SLC25A28: variants seen among roughly 807,000 people sequenced by gnomAD.
SLC25A28 encodes mitoferrin-2.
SLC25A28 carries 10 observed loss-of-function variants against 31.9 expected under a neutral mutation model. The ratio of observed to expected loss-of-function variants is 0.31; its 90% CI spans 0.19 to 0.53. SLC25A28 has a LOEUF of 0.53. Ranked by LOEUF, SLC25A28 falls within the 20% of genes least tolerant of loss-of-function variation. The pLI, the probability that SLC25A28 is intolerant of heterozygous loss-of-function variation, is 0.95. For synonymous variants in SLC25A28, 208 were observed against 203.6 expected (o/e 1.02, Z -0.19); for missense variants, 256 against 490.3 (o/e 0.52, Z 4.51).
the SLC25A28 span, among the ~76,000 whole-genome samples, chr10:99,634,730 A>C: frequency 6.6e-6 from 1 of 152,236 alleles, no homozygotes; most frequent in Non-Finnish European, 1.5e-5. Context: ...TGGGGAAATG[A>C]TTGATGAAAA....
the SLC25A28 span, among the ~76,000 whole-genome samples, chr10:99,633,521 C>A: frequency 2.0e-4 from 30 of 152,152 alleles, 1 homozygote; most frequent in East Asian, 5.2e-3. Context: ...CATGGCAAAA[C>A]CCCATGTCTA....
the SLC25A28 span, among the ~76,000 whole-genome samples, chr10:99,639,914 C>T: frequency 1.3e-5 from 2 of 151,790 alleles, no homozygotes; most frequent in Admixed American, 1.3e-4. Context: ...ATGTGTGTAC[C>T]CAGCAGTATG....
the SLC25A28 span, among the ~76,000 whole-genome samples, chr10:99,644,507 C>G: frequency 4.7e-4 from 72 of 152,060 alleles, no homozygotes; most frequent in South Asian, 0.014. Context: ...ACTCCTTATG[C>G]AATTTGCCAG....
At chr10:99,652,380 A>G in the SLC25A28 span, among the ~76,000 whole-genome samples, 1 of 152,220 alleles carries the variant, frequency 6.6e-6, no homozygotes, top group African/African-American at 2.4e-5. Context: ...GAGAACACAG[A>G]GGAAAGTGGT....
At chr10:99,622,417 G>A (rs939253607), upstream of SLC25A28, among the ~76,000 whole-genome samples, 5 of 152,182 alleles carry the variant, frequency 3.3e-5, no homozygotes, top group East Asian at 9.7e-4. Context: ...AAATGAATAG[G>A]TCTCACAAAA....
At chr10:99,652,350 A>G in the SLC25A28 span, 1 of 152,532 alleles carries the variant, frequency 6.6e-6, no homozygotes, top group East Asian at 1.9e-4. Flanking sequence ...GGGTCCTGGT[A>G]AGAGAAAGCA....
At position 99,612,592 on chromosome 10, in the gene SLC25A28, G is replaced by T. The variant is rs751568989; in HGVS notation, c.528C>A (p.Ala176=). The T allele has an allele frequency of 6.2e-7, 1 of 1,613,966 alleles. No homozygotes were observed. The highest frequency in any genetic ancestry group is 1.3e-5 in the African/African-American group (1 of 74,866). The change falls in exon 3 of 4, where the codon GCC becomes GCA. Residue 176 remains alanine (A), a synonymous_variant. Transcript: ENST00000370495. ...GGNSHIANGA[A]GCVATLLHDA... ...CATGAAGTAATGTTGCCACACACCC[G>T]GCCGCACCTGCAAACAAGAAAACAA...
chr10:99,637,033 A>C, the SLC25A28 span, among the ~76,000 whole-genome samples: 1 of 152,248 alleles, frequency 6.6e-6, no homozygotes, highest in African/African-American at 2.4e-5. Flanking sequence ...TAGATGCTAA[A>C]ATCATTAACA....
chr10:99,644,936 T>C, the SLC25A28 span, among the ~76,000 whole-genome samples: 2 of 152,368 alleles, frequency 1.3e-5, no homozygotes, highest in African/African-American at 2.4e-5. Flanking sequence ...GTTAGTTTGA[T>C]GGGCTTGCCT....
rs1250682029 is a variant in SLC25A28 at position 99,613,157 on chromosome 10, C to T, written c.520+539G>A. On this transcript the variant is annotated intron_variant, in intron 2 of 3. Transcript: ENST00000370495. This position sits in a 1 kb window ranked among gnomAD's most constrained non-coding sequence, Gnocchi z 4.9. ...CCCTAGGCTGCTATCCTTTCTCTTA[C>T]TTCCACACAACCTTCTGGTTTCTTC... Among the ~76,000 whole-genome samples, 2 of 152,238 alleles carry T rather than the reference C, an allele frequency of 1.3e-5. No individual in the cohort carries two copies. The highest frequency in any genetic ancestry group is 2.9e-5 in the Non-Finnish European group (2 of 68,034).
chr10:99,640,944 T>C, the SLC25A28 span, among the ~76,000 whole-genome samples: 1 of 152,188 alleles, frequency 6.6e-6, no homozygotes, highest in Admixed American at 6.5e-5. Context: ...ATGAGCCACA[T>C]TTTCTTAATC....
chr10:99,620,910 C>T (rs140979381), upstream of SLC25A28: 6,558 of 985,314 alleles, frequency 6.7e-3, 31 homozygotes, highest in Non-Finnish European at 7.6e-3. Context: ...GGCGACAGGC[C>T]TTCAACGTCA....
the SLC25A28 span, among the ~76,000 whole-genome samples, chr10:99,634,863 A>G: frequency 1.3e-5 from 2 of 152,348 alleles, no homozygotes; most frequent in East Asian, 1.9e-4. Flanking sequence ...TAAAGTTAAG[A>G]TGAAGGAAAG....
At chr10:99,629,764 C>T in the SLC25A28 span, among the ~76,000 whole-genome samples, 1 of 152,272 alleles carries the variant, frequency 6.6e-6, no homozygotes, top group East Asian at 1.9e-4. Flanking sequence ...ATGAGAGTAA[C>T]TGCTTAATGG....
At chr10:99,617,432 A>T in intron 1 of SLC25A28, 1 of 985,438 alleles carries the variant, frequency 1.0e-6, no homozygotes, top group Non-Finnish European at 1.2e-6. Flanking sequence ...TCATTTGCAA[A>T]CATTGTGGTT....
chr10:99,615,318 T>C (rs997374229), intron 1 of SLC25A28: 1 of 823,626 alleles, frequency 1.2e-6, no homozygotes, highest in South Asian at 5.6e-5. Context: ...TTTGAGCCAC[T>C]GCACGGCAGC....
At chr10:99,632,437 G>A in the SLC25A28 span, among the ~76,000 whole-genome samples, 1 of 152,058 alleles carries the variant, frequency 6.6e-6, no homozygotes, top group Admixed American at 6.6e-5. Context: ...AGGGACAACT[G>A]TACTTCACTG....
chr10:99,610,734 A>C lies in SLC25A28; in HGVS notation c.*115T>G. ...AGTCAAAACACCAAAATCCTGGGGG[A>C]GAGCCCCTCTACCTTCCTTCTAACT... On this transcript the variant is annotated 3_prime_UTR_variant, in exon 4 of 4. Coordinates refer to ENST00000370495, the MANE Select transcript of SLC25A28 (RefSeq NM_031212.4). 2 of 1,329,932 alleles carry C rather than the reference A, an allele frequency of 1.5e-6. No individual in the cohort carries two copies. The highest frequency in any genetic ancestry group is 2.1e-6 in the Non-Finnish European group (2 of 971,958). The allele number at this position is 1,329,932 out of a possible 1,614,324, so 82.4% of individuals were successfully genotyped here.
chr10:99,632,782 ATC>A, the SLC25A28 span, among the ~76,000 whole-genome samples: 1 of 152,330 alleles, frequency 6.6e-6, no homozygotes, highest in African/African-American at 2.4e-5. Flanking sequence ...AATTTTGGGT[ATC>A]TCACAAATTA....
Sources: allele counts gnomAD v4.1 joint callset (sites outside exome capture counted in the v4.1 genomes callset), GRCh38; gene constraint gnomAD v4.1.1; non-coding constraint Gnocchi (gnomAD v3.1); transcripts MANE v1.5; gene names NCBI Gene and HGNC (gene_info 2026-07-23, HGNC 2026-07-21).